HORMAD1: variants seen among roughly 807,000 people sequenced by gnomAD.
The protein encoded by HORMAD1 is HORMA domain-containing protein 1.
A neutral mutation model predicts 58.2 loss-of-function variants in HORMAD1; 33 were observed. The ratio of observed to expected loss-of-function variants is 0.57; its 90% CI spans 0.43 to 0.76. HORMAD1 has a LOEUF of 0.76. Ranked by LOEUF, HORMAD1 falls within the 30% of genes least tolerant of loss-of-function variation. The pLI, the probability that HORMAD1 is intolerant of heterozygous loss-of-function variation, is 0.00. For synonymous variants in HORMAD1, 137 were observed against 144.6 expected (o/e 0.95, Z 0.38); for missense variants, 363 against 462.0 (o/e 0.79, Z 1.96).
intron 4 of HORMAD1, 52 bp downstream of exon 4, chr1:150,714,563 A>C (rs1002860338): frequency 3.9e-6 from 4 of 1,025,766 alleles, no homozygotes; most frequent in Non-Finnish European, 4.2e-6. Context: ...GTACAAAAAA[A>C]AGTAAAATGA....
chr1:150,709,497 G>A (rs587730570), intron 7 of HORMAD1, among the ~76,000 whole-genome samples: 1 of 152,326 alleles, frequency 6.6e-6, no homozygotes, highest in South Asian at 2.1e-4. Context: ...TAAACCAGGG[G>A]CACAATGCAT....
In HORMAD1 at chr1:150,717,147, A is replaced by G; in HGVS notation, c.169T>C (p.Tyr57His). 1.9e-6 allele frequency: 3 copies of G among 1,560,934 alleles called. No homozygotes were observed. The highest frequency in any genetic ancestry group is 2.6e-6 in the Non-Finnish European group (3 of 1,148,804). Residue 57 changes from tyrosine (Y) to histidine (H), a missense_variant, in exon 3 of 15, where the codon TAT (tyrosine) becomes CAT (histidine). Physicochemically the swap from Tyr to His is moderately conservative, Grantham distance 83 (BLOSUM62 2). Around this residue, in one of 3 missense-constraint regions of HORMAD1, gnomAD observed 128 missense variants for 171.8 expected, o/e 0.74. Transcript: ENST00000361824. ...IFPECAYGTR[Y>H]LDDLCVKILR... ...ATAAATATTGTATTACCATCTAGAT[A>G]TCTTGTTCCATAAGCGCATTCTGGG... is the stretch of plus-strand genomic sequence containing the variant.
intron 12 of HORMAD1, 52 bp from the exon 13 acceptor site, chr1:150,703,445 T>C: frequency 1.0e-6 from 1 of 993,820 alleles, no homozygotes; most frequent in Non-Finnish European, 1.5e-6. Context: ...TAAAACCTTT[T>C]CATAACACAA....
chr1:150,702,350 G>A (rs948495131), intron 13 of HORMAD1, among the ~76,000 whole-genome samples: 4 of 152,120 alleles, frequency 2.6e-5, no homozygotes, highest in Non-Finnish European at 5.9e-5. Flanking sequence ...CAACCATTGT[G>A]GAAGACAGTG....
intron 14 of HORMAD1, chr1:150,699,083 T>C (rs1651456770): frequency 6.1e-6 from 1 of 164,568 alleles, no homozygotes; most frequent in South Asian, 1.8e-4. Flanking sequence ...CATTCTACCT[T>C]GGAATCATGT....
At chr1:150,709,031 T>G (rs750556779) in intron 7 of HORMAD1, 70 bp from the exon 8 acceptor site, 1 of 776,690 alleles carries the variant, frequency 1.3e-6, no homozygotes, top group African/African-American at 1.7e-5. Flanking sequence ...ATATTCTGTT[T>G]TGTATGACTC....
Position 150,719,453 on chromosome 1 carries a change from C to A in HORMAD1, c.33+20G>T. 1 of 1,505,854 alleles carries A rather than the reference C, an allele frequency of 6.6e-7. No individual in the cohort carries two copies. Among genetic ancestry groups the A allele is most frequent in the African/African-American group, 1.4e-5 (1 of 71,870 alleles). The allele number at this position is 1,505,854 out of a possible 1,614,324, so 93.3% of individuals were successfully genotyped here. A position where few individuals can be genotyped will look rare whatever the true frequency, so the allele number is the denominator to read the frequency against. On this transcript the variant is annotated intron_variant, in intron 2 of 14. Transcript: ENST00000361824. ...AAAAGCAGCTATTATTAAGATATAC[C>A]AAAATACAAGAAATCATACCATGGG...
chr1:150,715,327 A>G, intron 3 of HORMAD1, among the ~76,000 whole-genome samples: 1 of 152,158 alleles, frequency 6.6e-6, no homozygotes, highest in East Asian at 1.9e-4. Context: ...TGTAAAGGCC[A>G]AGAACTTAAC....
intron 4 of HORMAD1, 41 bp downstream of exon 4, chr1:150,714,574 G>GA: frequency 1.8e-6 from 2 of 1,142,614 alleles, no homozygotes; most frequent in East Asian, 2.6e-5. Context: ...AGTAAAATGA[G>GA]AAAAAAATAA....
At chr1:150,711,161 T>C (rs1262853983) in intron 7 of HORMAD1, among the ~76,000 whole-genome samples, 1 of 152,228 alleles carries the variant, frequency 6.6e-6, no homozygotes, top group Non-Finnish European at 1.5e-5. Context: ...TAGGTAGCTA[T>C]GAATGGATTG....
chr1:150,717,526 T>A (rs1033642186), intron 2 of HORMAD1, among the ~76,000 whole-genome samples: 39 of 151,996 alleles, frequency 2.6e-4, no homozygotes, highest in Non-Finnish European at 3.8e-4. Flanking sequence ...TTTTTATTTT[T>A]AAAAAAATTG....
chr1:150,709,129 G>A, intron 7 of HORMAD1, 168 bp from the exon 8 acceptor site: 1 of 597,108 alleles, frequency 1.7e-6, no homozygotes, highest in East Asian at 2.8e-5. Flanking sequence ...TTCATGGTTT[G>A]GGTTTGGGGC....
intron 13 of HORMAD1, among the ~76,000 whole-genome samples, chr1:150,700,901 A>G (rs1026151680): frequency 3.3e-5 from 5 of 152,154 alleles, no homozygotes; most frequent in African/African-American, 1.2e-4. Flanking sequence ...GCTATTGTGA[A>G]TAATGCTGTA....
intron 12 of HORMAD1, 21 bp from the exon 13 acceptor site, chr1:150,703,414 A>C: frequency 7.7e-7 from 1 of 1,300,074 alleles, no homozygotes; most frequent in Non-Finnish European, 1.1e-6. Flanking sequence ...AAATAATTAC[A>C]AAAAATATAA....
intron 7 of HORMAD1, among the ~76,000 whole-genome samples, chr1:150,710,383 A>G (rs1484471175): frequency 6.6e-6 from 1 of 152,222 alleles, no homozygotes; most frequent in African/African-American, 2.4e-5. Flanking sequence ...GAGATTAAAG[A>G]CAGTACATAT....
intron 4 of HORMAD1, 27 bp downstream of exon 4, chr1:150,714,588 T>C (rs757508921): frequency 8.1e-7 from 1 of 1,241,160 alleles, no homozygotes; most frequent in Non-Finnish European, 1.1e-6. Flanking sequence ...AAAATAATTT[T>C]CTCTCTTTAG....
intron 5 of HORMAD1, chr1:150,713,859 G>C: frequency 2.0e-6 from 1 of 508,164 alleles, no homozygotes; most frequent in East Asian, 3.9e-5. Context: ...ATACAAATAA[G>C]TGTTAAAAAA....
chr1:150,717,531 A>C (rs1363990444), intron 2 of HORMAD1, among the ~76,000 whole-genome samples: 1 of 152,158 alleles, frequency 6.6e-6, no homozygotes, highest in Non-Finnish European at 1.5e-5. Flanking sequence ...ATTTTTAAAA[A>C]AATTGAGACA....
At chr1:150,714,239 C>A in intron 4 of HORMAD1, 118 bp from the exon 5 acceptor site, 1 of 600,244 alleles carries the variant, frequency 1.7e-6, no homozygotes, top group South Asian at 2.5e-5. Context: ...TATTAAAGCT[C>A]CCTTCTTATT....
Sources: allele counts gnomAD v4.1 joint callset (sites outside exome capture counted in the v4.1 genomes callset), GRCh38; gene constraint gnomAD v4.1.1; regional missense constraint gnomAD v4.1.1; transcripts MANE v1.5; gene names NCBI Gene and HGNC (gene_info 2026-07-23, HGNC 2026-07-21).